PTBP3: variants seen among roughly 807,000 people sequenced by gnomAD.
The protein encoded by PTBP3 is polypyrimidine tract binding protein 3, also known as polypyrimidine tract-binding protein 3.
A neutral mutation model predicts 58.7 loss-of-function variants in PTBP3; 20 were observed. The observed-to-expected ratio is 0.34, with a 90% confidence interval of 0.24 to 0.50. The LOEUF is 0.50. Ranked by LOEUF, PTBP3 falls within the 20% of genes least tolerant of loss-of-function variation. PTBP3 has a pLI of 0.98. For missense variants in PTBP3, 509 were observed against 637.2 expected, an observed-to-expected ratio of 0.80 and a Z score of 2.17; for synonymous variants, 185 against 219.8, an observed-to-expected ratio of 0.84 and a Z score of 1.40.
chr9:112,240,454 G>A (rs1835610036), intron 7 of PTBP3, among the ~76,000 whole-genome samples: 1 of 151,916 alleles, frequency 6.6e-6, no homozygotes, highest in Admixed American at 6.6e-5. Flanking sequence ...ACACTGTAGT[G>A]CAACATATTC....
chr9:112,332,270 T>C (rs558455854), intron 1 of PTBP3, among the ~76,000 whole-genome samples: 3 of 152,364 alleles, frequency 2.0e-5, no homozygotes, highest in South Asian at 2.1e-4. Flanking sequence ...TTGATGTCTG[T>C]AGCAGTGTGC....
the PTBP3 span, among the ~76,000 whole-genome samples, chr9:112,376,197 ACGTGTGTGTGTGTGTGTGTGTG>A: frequency 1.8e-5 from 2 of 112,112 alleles, no homozygotes; most frequent in African/African-American, 3.9e-5. Context: ...TTCCTTATAT[ACGTGTGTGTGTGTGTGTGTGTG>A]TGTGTGTGTG....
At chr9:112,284,936 A>G (rs933573506) in intron 2 of PTBP3, among the ~76,000 whole-genome samples, 1 of 101,842 alleles carries the variant, frequency 9.8e-6, no homozygotes, top group African/African-American at 4.3e-5. Flanking sequence ...CTCAGATTAG[A>G]CTTTGGACTT....
intron 1 of PTBP3, among the ~76,000 whole-genome samples, chr9:112,310,387 T>C (rs1261083046): frequency 6.6e-6 from 1 of 152,258 alleles, no homozygotes; most frequent in Non-Finnish European, 1.5e-5. Context: ...AAAAGCCTTC[T>C]AATTCATGAT....
intron 3 of PTBP3, among the ~76,000 whole-genome samples, chr9:112,269,969 C>T (rs113460767): frequency 0.012 from 1,765 of 145,486 alleles, 41 homozygotes; most frequent in African/African-American, 0.043. Flanking sequence ...TTTTGAGACA[C>T]AGTCTCACTC....
chr9:112,367,920 T>C, the PTBP3 span, among the ~76,000 whole-genome samples: 1 of 152,192 alleles, frequency 6.6e-6, no homozygotes, highest in Admixed American at 6.5e-5. Context: ...GGAACTCCCA[T>C]AATGTATATA....
chr9:112,281,836 T>A (rs1827881296), intron 2 of PTBP3, among the ~76,000 whole-genome samples: 2 of 152,246 alleles, frequency 1.3e-5, no homozygotes, highest in Admixed American at 6.5e-5. Flanking sequence ...TTTCATAATA[T>A]TCACTGAATC....
intron 2 of PTBP3, among the ~76,000 whole-genome samples, chr9:112,291,059 T>C (rs532008392): frequency 6.6e-6 from 1 of 151,994 alleles, no homozygotes; most frequent in East Asian, 1.9e-4. Flanking sequence ...CCACTTCTAC[T>C]AAAAATACAA....
intron 2 of PTBP3, among the ~76,000 whole-genome samples, chr9:112,279,211 C>T (rs1827753595): frequency 2.0e-5 from 3 of 152,086 alleles, no homozygotes; most frequent in Admixed American, 1.3e-4. Context: ...GTATTGGACA[C>T]ATAAATTTAA....
At chr9:112,364,929 C>T in the PTBP3 span, among the ~76,000 whole-genome samples, 1 of 152,162 alleles carries the variant, frequency 6.6e-6, no homozygotes. Context: ...GTGTAATCTA[C>T]ATATCTCCAT....
At chr9:112,364,284 CA>C in the PTBP3 span, among the ~76,000 whole-genome samples, 9 of 118,332 alleles carry the variant, frequency 7.6e-5, no homozygotes, top group Non-Finnish European at 1.0e-4. Context: ...TTCAAGAAGA[CA>C]AAAAAAAAGC....
chr9:112,246,424 G>A (rs1477234648), intron 7 of PTBP3, among the ~76,000 whole-genome samples: 3 of 152,088 alleles, frequency 2.0e-5, no homozygotes, highest in African/African-American at 7.2e-5. Flanking sequence ...GACAGGCGCG[G>A]TGGCTCACGC....
chr9:112,275,980 T>C lies in PTBP3; in HGVS notation c.68A>G (p.Asp23Gly). The change falls in exon 3 of 14, where the codon GAT becomes GGT. Residue 23 changes from aspartate (D) to glycine (G), a missense_variant. Coordinates refer to ENST00000374257, the MANE Select transcript of PTBP3 (RefSeq NM_001163788.4). Reference sequence around the variant, plus strand: ...ACGGGAAGGCGAACAGGGAGGTCTATCTCGTTTAAATTTCTTGCTGTCATT... The same window carrying C: ...ACGGGAAGGCGAACAGGGAGGTCTACCTCGTTTAAATTTCTTGCTGTCATT... ...NGNDSKKFKR[D>G]RPPCSPSRVL... 6.2e-7 allele frequency: 1 copy of C among 1,612,990 alleles called. No homozygotes were observed. The highest frequency in any genetic ancestry group is 8.5e-7 in the Non-Finnish European group (1 of 1,179,472).
At chr9:112,244,289 C>CAAAAAAAAAA (rs56052359) in intron 7 of PTBP3, among the ~76,000 whole-genome samples, 685 of 36,212 alleles carry the variant, frequency 0.019, 124 homozygotes, top group African/African-American at 0.059. Context: ...GACTCTGTCT[C>CAAAAAAAAAA]AAAAAAAAAA....
intron 7 of PTBP3, among the ~76,000 whole-genome samples, chr9:112,239,823 A>C (rs1306532042): frequency 9.9e-6 from 1 of 101,204 alleles, no homozygotes; most frequent in Non-Finnish European, 1.9e-5. Flanking sequence ...GGAAGGGAGG[A>C]AGGGAGGAAG....
chr9:112,333,686 G>A, upstream of PTBP3: 1 of 470,584 alleles, frequency 2.1e-6, no homozygotes, highest in Non-Finnish European at 3.6e-6. Context: ...CACCCCGCGA[G>A]CGCGTCCCCG....
intron 1 of PTBP3, among the ~76,000 whole-genome samples, chr9:112,304,242 G>A (rs907086772): frequency 9.2e-5 from 14 of 151,668 alleles, no homozygotes; most frequent in Admixed American, 6.6e-4. Context: ...ATTTATTAAA[G>A]TCTCATTTAT....
chr9:112,268,712 C>CAA lies in PTBP3; in HGVS notation c.205-519_205-518dup, dbSNP rs56196327. 7.7e-4 allele frequency among the ~76,000 whole-genome samples: 72 copies of CAA among 93,854 alleles called. 1 individual carries two copies. Among genetic ancestry groups the CAA allele is most frequent in the Non-Finnish European group, 1.2e-3 (56 of 45,038 alleles). 61.6% of individuals were successfully genotyped at this position (93,854 alleles called of 152,430 possible). A position where few individuals can be genotyped will look rare whatever the true frequency, so the allele number is the denominator to read the frequency against. ...GGGTAACAGGAGTAAGACACCGTCT[C>CAA]AAAAAAAAAAAAAAAAAAAAAAAGG... On this transcript the variant is annotated intron_variant, in intron 3 of 13. Coordinates refer to ENST00000374257, the MANE Select transcript of PTBP3 (RefSeq NM_001163788.4).
the PTBP3 span, among the ~76,000 whole-genome samples, chr9:112,340,366 T>C: frequency 6.6e-6 from 1 of 152,184 alleles, no homozygotes. Flanking sequence ...CTATTACATA[T>C]TTTTCTTTAA....
Sources: allele counts gnomAD v4.1 joint callset (sites outside exome capture counted in the v4.1 genomes callset), GRCh38; gene constraint gnomAD v4.1.1; transcripts MANE v1.5; gene names NCBI Gene and HGNC (gene_info 2026-07-23, HGNC 2026-07-21).